The following KLF7 variants were observed in gnomAD, a reference collection of about 807,000 sequenced individuals.
The protein encoded by KLF7 is KLF transcription factor 7.
A neutral mutation model predicts 27.3 loss-of-function variants in KLF7; 2 were observed. That is an observed-to-expected ratio of 0.07 (90% CI 0.03 to 0.23). The LOEUF (loss-of-function observed/expected upper bound fraction) is 0.23, where lower values mean the gene tolerates loss of function less well. Among genes scored for constraint, KLF7 ranks in the 10% least tolerant of loss-of-function variants. KLF7 has a pLI of 1.00. For missense variants in KLF7, 221 were observed against 394.1 expected (o/e 0.56, Z 3.72); for synonymous variants, 165 against 162.4 (o/e 1.02, Z -0.12).
At chr2:207,138,982 T>C (rs1380373042) in intron 1 of KLF7, among the ~76,000 whole-genome samples, 1 of 152,186 alleles carries the variant, frequency 6.6e-6, no homozygotes, top group African/African-American at 2.4e-5. Context: ...AAAATGAAAA[T>C]GGCGCCTACA....
intron 1 of KLF7, among the ~76,000 whole-genome samples, chr2:207,145,993 T>A (rs1280255369): frequency 6.6e-6 from 1 of 152,094 alleles, no homozygotes; most frequent in African/African-American, 2.4e-5. Flanking sequence ...TTCTCAAGAG[T>A]TGCAATGGTT....
chr2:207,139,645 C>T (rs2077884668), intron 1 of KLF7, among the ~76,000 whole-genome samples: 1 of 152,130 alleles, frequency 6.6e-6, no homozygotes, highest in African/African-American at 2.4e-5. Flanking sequence ...AGATCCCAAA[C>T]TTCATTTCAT....
intron 1 of KLF7, among the ~76,000 whole-genome samples, chr2:207,162,412 A>T (rs943325759): frequency 6.6e-6 from 1 of 152,250 alleles, no homozygotes; most frequent in African/African-American, 2.4e-5. Context: ...AGCACAGTGT[A>T]ATTTACAGTT....
chr2:207,097,077 A>ATGCTGC (rs2076648633), intron 2 of KLF7, among the ~76,000 whole-genome samples: 1 of 152,224 alleles, frequency 6.6e-6, no homozygotes, highest in Non-Finnish European at 1.5e-5. Context: ...GCTGATGCTG[A>ATGCTGC]TGCTGCTGCT....
At chr2:207,097,045 C>A (rs750502595) in intron 2 of KLF7, among the ~76,000 whole-genome samples, 3 of 152,200 alleles carry the variant, frequency 2.0e-5, no homozygotes, top group Non-Finnish European at 4.4e-5. Context: ...GCCCAAGAAT[C>A]TGCATTTCTA....
intron 2 of KLF7, among the ~76,000 whole-genome samples, chr2:207,115,643 A>G (rs1275997927): frequency 2.0e-5 from 3 of 152,230 alleles, no homozygotes; most frequent in African/African-American, 7.2e-5. Context: ...AGCCACTTTT[A>G]GAAAATGTAG....
intron 1 of KLF7, among the ~76,000 whole-genome samples, chr2:207,142,714 T>A (rs188182583): frequency 8.1e-4 from 124 of 152,222 alleles, no homozygotes; most frequent in African/African-American, 2.9e-3. Context: ...GTGCACACAG[T>A]GTGAGCAAGG....
upstream of KLF7, among the ~76,000 whole-genome samples, chr2:207,169,618 G>A (rs1052878722): frequency 1.3e-5 from 2 of 152,002 alleles, no homozygotes; most frequent in Admixed American, 1.3e-4. Flanking sequence ...TATACAAATC[G>A]AAGGTTTGTG....
intron 2 of KLF7, among the ~76,000 whole-genome samples, chr2:207,114,034 T>G (rs561084068): frequency 8.5e-5 from 13 of 152,210 alleles, no homozygotes; most frequent in Non-Finnish European, 1.6e-4. Context: ...TTAAGTAGCC[T>G]ATGATACCTT....
chr2:207,142,981 T>C (rs935832549), intron 1 of KLF7, among the ~76,000 whole-genome samples: 1 of 152,212 alleles, frequency 6.6e-6, no homozygotes, highest in Admixed American at 6.5e-5. Flanking sequence ...CAAAAGATAT[T>C]AGTGAAACCC....
intron 1 of KLF7, among the ~76,000 whole-genome samples, chr2:207,163,142 T>C (rs1402118164): frequency 6.6e-6 from 1 of 152,234 alleles, no homozygotes; most frequent in Non-Finnish European, 1.5e-5. Flanking sequence ...CCTATGGTCC[T>C]AGTCGCCTTT....
upstream of KLF7, among the ~76,000 whole-genome samples, chr2:207,169,924 C>A (rs1015294514): frequency 6.6e-6 from 1 of 152,020 alleles, no homozygotes; most frequent in East Asian, 1.9e-4. Flanking sequence ...CGTTAAGACA[C>A]AACAATAATG....
At chr2:207,124,711 A>G (rs1244361330) in intron 1 of KLF7, among the ~76,000 whole-genome samples, 2 of 152,206 alleles carry the variant, frequency 1.3e-5, no homozygotes, top group Admixed American at 1.3e-4. Context: ...AATCCAATTC[A>G]GCAGGTAAGA....
At chr2:207,110,740 C>T (rs909689937) in intron 2 of KLF7, among the ~76,000 whole-genome samples, 15 of 152,156 alleles carry the variant, frequency 9.9e-5, no homozygotes, top group African/African-American at 3.6e-4. Context: ...TCATCTAAAT[C>T]CTGACAGAAA....
intron 1 of KLF7, among the ~76,000 whole-genome samples, chr2:207,153,865 T>C (rs1457450965): frequency 2.0e-5 from 3 of 152,122 alleles, no homozygotes; most frequent in East Asian, 1.9e-4. Context: ...AACACAAATA[T>C]ATAATCTACA....
chr2:207,167,314 G>GA, upstream of KLF7: 1 of 452,558 alleles, frequency 2.2e-6, no homozygotes, highest in Non-Finnish European at 3.5e-6. Flanking sequence ...AATGGTTAGT[G>GA]TGGTTTAAGC....
intron 1 of KLF7, among the ~76,000 whole-genome samples, chr2:207,124,965 T>A (rs1052868063): frequency 6.6e-6 from 1 of 152,206 alleles, no homozygotes; most frequent in East Asian, 1.9e-4. Flanking sequence ...ATGGATTCCA[T>A]AACCAGCAGG....
chr2:207,112,942 G>A (rs192278045), intron 2 of KLF7, among the ~76,000 whole-genome samples: 1 of 152,306 alleles, frequency 6.6e-6, no homozygotes, highest in African/African-American at 2.4e-5. Flanking sequence ...AAGCACCAGG[G>A]CATGTGCTGT....
intron 1 of KLF7, among the ~76,000 whole-genome samples, chr2:207,137,063 A>G (rs2077809898): frequency 6.6e-6 from 1 of 152,100 alleles, no homozygotes; most frequent in Non-Finnish European, 1.5e-5. Flanking sequence ...ATTCACTAAC[A>G]TGAACAAAAC....
Sources: allele counts gnomAD v4.1 joint callset (sites outside exome capture counted in the v4.1 genomes callset), GRCh38; gene constraint gnomAD v4.1.1; transcripts MANE v1.5; gene names NCBI Gene and HGNC (gene_info 2026-07-23, HGNC 2026-07-21).